DOCK8: variants seen among roughly 807,000 people sequenced by gnomAD.
DOCK8 encodes dedicator of cytokinesis 8.
In DOCK8, 141 loss-of-function variants were observed where a neutral mutation model predicts 245.6. That is an observed-to-expected ratio of 0.57 (90% CI 0.50 to 0.66). The LOEUF is 0.66. Among genes scored for constraint, DOCK8 ranks in the 30% least tolerant of loss-of-function variants. The pLI is 0.00. For synonymous variants in DOCK8, 1,168 were observed against 970.2 expected, an observed-to-expected ratio of 1.20 and a Z score of -3.79; for missense variants, 2,965 against 2,603.4, an observed-to-expected ratio of 1.14 and a Z score of -3.02.
intron 5 of DOCK8, among the ~76,000 whole-genome samples, chr9:310,728 T>TG (rs888351021): frequency 6.6e-6 from 1 of 152,244 alleles, no homozygotes; most frequent in African/African-American, 2.4e-5. Flanking sequence ...CCCAAAGTGC[T>TG]GGGATTACAG....
At chr9:363,629 C>T (rs1221490463) in intron 14 of DOCK8, among the ~76,000 whole-genome samples, 1 of 152,150 alleles carries the variant, frequency 6.6e-6, no homozygotes, top group African/African-American at 2.4e-5. Context: ...TCCAGGCAAA[C>T]TCATTTAACC....
intron 4 of DOCK8, among the ~76,000 whole-genome samples, chr9:291,795 G>A (rs1479101728): frequency 6.6e-6 from 1 of 151,352 alleles, no homozygotes; most frequent in Non-Finnish European, 1.5e-5. Flanking sequence ...GGGCGCAGTG[G>A]CTCACATTTA....
At chr9:407,167 T>G in intron 28 of DOCK8, 98 bp downstream of exon 28, 1 of 1,552,186 alleles carries the variant, frequency 6.4e-7, no homozygotes, top group Non-Finnish European at 8.8e-7. Flanking sequence ...TAAAAAACTC[T>G]ACTGTAGTTG....
At position 219,929 on chromosome 9, in the gene DOCK8, C is replaced by T. The variant is rs1436764146; in HGVS notation, c.53+4900C>T. ...AAGGAACAAACCCAATAATTTTGGG[C>T]ATAACGACCAGAGCACAATGAGCTA... On this transcript the variant is annotated intron_variant, in intron 1 of 47. Coordinates refer to ENST00000432829, the MANE Select transcript of DOCK8 (RefSeq NM_203447.4). Among the ~76,000 whole-genome samples the T allele has an allele frequency of 4.6e-5, 7 of 152,228 alleles. No individual in the cohort carries two copies. The East Asian group carries it at 1.3e-3, about 29-fold the overall frequency.
intron 37 of DOCK8, among the ~76,000 whole-genome samples, chr9:433,048 C>T (rs10758582): frequency 0.58 from 88,249 of 152,170 alleles, 29,157 homozygotes; most frequent in East Asian, 0.98. Context: ...ACCCTATTTC[C>T]GGAGTCTGTT....
chr9:413,120 A>G (rs972692839), intron 28 of DOCK8, among the ~76,000 whole-genome samples: 6 of 152,200 alleles, frequency 3.9e-5, no homozygotes, highest in African/African-American at 1.4e-4. Context: ...TTTATAGTCA[A>G]TTGATTTTTG....
At chr9:332,280 C>T (rs2051047450) in intron 9 of DOCK8, 118 bp from the exon 10 acceptor site, 18 of 701,348 alleles carry the variant, frequency 2.6e-5, no homozygotes, top group South Asian at 1.6e-4. Flanking sequence ...AAATATGTAT[C>T]ACAGATAGCT....
In DOCK8 at chr9:340,316, G is replaced by A. The variant is rs1258836458; in HGVS notation, c.1674G>A (p.Val558=). The change falls in exon 14 of 48, where the codon GTG becomes GTA. Residue 558 remains valine (V), a synonymous_variant. Coordinates refer to ENST00000432829, the MANE Select transcript of DOCK8 (RefSeq NM_203447.4). The stretch of plus-strand genomic sequence containing the variant: ...GAGAAGTATATGTCCCTCACACTGT[G>A]TACAGGTAAGAAACACAGGCTCGGG... The part of the protein sequence containing the change: ...PTREVYVPHT[V]YRNLLYVYPQ... 1 of 1,614,068 alleles carries A rather than the reference G, an allele frequency of 6.2e-7. No homozygotes were observed. The highest frequency in any genetic ancestry group is 2.2e-5 in the East Asian group (1 of 44,884).
chr9:286,354 A>G (rs2048822872), intron 2 of DOCK8, 107 bp from the exon 3 acceptor site: 2 of 1,288,664 alleles, frequency 1.6e-6, no homozygotes, highest in South Asian at 1.3e-5. Context: ...CCAGGAGCGA[A>G]GTACTTACTA....
intron 2 of DOCK8, among the ~76,000 whole-genome samples, chr9:281,069 C>T (rs954867389): frequency 7.2e-5 from 11 of 152,252 alleles, no homozygotes; most frequent in South Asian, 6.2e-4. Flanking sequence ...GCCAGGCCAA[C>T]GTAGTGGAAC....
At position 349,657 on chromosome 9, in the gene DOCK8, A is replaced by C. The variant is rs893615432; in HGVS notation, c.1679+9336A>C. On this transcript the variant is annotated intron_variant, in intron 14 of 47. Coordinates refer to ENST00000432829, the MANE Select transcript of DOCK8 (RefSeq NM_203447.4). ...TCTCTCCTATCAGGGCTCAAAGACA[A>C]GTTTAGCAGCGTTTCTAAACTTCTG... Among the ~76,000 whole-genome samples, 20 of 152,222 alleles carry C rather than the reference A, an allele frequency of 1.3e-4. 1 individual carries two copies. Among genetic ancestry groups the C allele is most frequent in the Admixed American group, 9.2e-4 (14 of 15,284 alleles).
chr9:238,777 A>T (rs779940146), intron 1 of DOCK8, among the ~76,000 whole-genome samples: 2 of 152,254 alleles, frequency 1.3e-5, no homozygotes, highest in African/African-American at 4.8e-5. Context: ...CATTGAAATA[A>T]ATGTGAGCTA....
chr9:215,147 G>T, intron 1 of DOCK8, 118 bp downstream of exon 1: 1 of 1,465,938 alleles, frequency 6.8e-7, no homozygotes, highest in Non-Finnish European at 8.9e-7. Context: ...GGCGGGGCGC[G>T]CCTGAGACCT....
chr9:289,383 C>T (rs1031907278), intron 3 of DOCK8, 127 bp from the exon 4 acceptor site: 1 of 756,812 alleles, frequency 1.3e-6, no homozygotes, highest in Non-Finnish European at 2.3e-6. Context: ...AATGATTGGG[C>T]AAGAACATCC....
intron 21 of DOCK8, 38 bp from the exon 22 acceptor site, chr9:382,475 C>T (rs1427108773): frequency 1.2e-6 from 2 of 1,612,396 alleles, no homozygotes; most frequent in South Asian, 1.1e-5. Flanking sequence ...AACTCTGTTC[C>T]CCTGTCTGTT....
intron 8 of DOCK8, among the ~76,000 whole-genome samples, chr9:326,900 TG>T (rs2050788622): frequency 6.6e-6 from 1 of 152,194 alleles, no homozygotes; most frequent in Non-Finnish European, 1.5e-5. Context: ...AGTCTCTGCC[TG>T]GGCAGCCACT....
chr9:311,870 G>A, intron 5 of DOCK8, 84 bp from the exon 6 acceptor site: 4 of 1,526,212 alleles, frequency 2.6e-6, no homozygotes, highest in African/African-American at 2.7e-5. Flanking sequence ...CCAAATTGGA[G>A]CAGTCTTGAG....
chr9:239,397 G>A (rs1318007081), intron 1 of DOCK8, among the ~76,000 whole-genome samples: 1 of 152,158 alleles, frequency 6.6e-6, no homozygotes, highest in African/African-American at 2.4e-5. Flanking sequence ...AATCCTGAGA[G>A]TTATAAGAGA....
At chr9:451,842 T>C (rs2131882009) in intron 45 of DOCK8, among the ~76,000 whole-genome samples, 169 bp from the exon 46 acceptor site, 1 of 150,128 alleles carries the variant, frequency 6.7e-6, no homozygotes, top group South Asian at 2.1e-4. Context: ...CCTTCATATA[T>C]GTATGAATAT....
Sources: allele counts gnomAD v4.1 joint callset (sites outside exome capture counted in the v4.1 genomes callset), GRCh38; gene constraint gnomAD v4.1.1; transcripts MANE v1.5; gene names NCBI Gene and HGNC (gene_info 2026-07-23, HGNC 2026-07-21).